LTBP1: variants seen among roughly 807,000 people sequenced by gnomAD.
LTBP1 encodes latent transforming growth factor beta binding protein 1, also known as latent-transforming growth factor beta-binding protein 1.
In LTBP1, 129 loss-of-function variants were observed where a neutral mutation model predicts 207.6. The observed-to-expected ratio is 0.62, with a 90% CI of 0.54 to 0.72. LTBP1 has a LOEUF of 0.72. Ranked by LOEUF, LTBP1 falls within the 30% of genes least tolerant of loss-of-function variation. The pLI is 0.00. For missense variants in LTBP1, 2,281 were observed against 2,217.2 expected (o/e 1.03, Z -0.58); for synonymous variants, 963 against 833.7 (o/e 1.16, Z -2.67).
intron 3 of LTBP1, among the ~76,000 whole-genome samples, chr2:33,098,107 C>T (rs1306411268): frequency 6.6e-6 from 1 of 152,160 alleles, no homozygotes; most frequent in Non-Finnish European, 1.5e-5. Context: ...ATCCCCATGA[C>T]AATAGTTCTT....
chr2:33,052,444 A>C (rs1442052081), intron 3 of LTBP1, among the ~76,000 whole-genome samples: 1 of 152,254 alleles, frequency 6.6e-6, no homozygotes, highest in Non-Finnish European at 1.5e-5. Flanking sequence ...GAACCAGACC[A>C]AACCCCTATT....
chr2:32,989,541 A>G (rs906275501), intron 2 of LTBP1, among the ~76,000 whole-genome samples: 1 of 152,210 alleles, frequency 6.6e-6, no homozygotes, highest in Non-Finnish European at 1.5e-5. Context: ...CCGTGGATCA[A>G]ATTCTACTTG....
intron 19 of LTBP1, among the ~76,000 whole-genome samples, chr2:33,288,841 C>T (rs1230710854): frequency 9.3e-5 from 13 of 139,376 alleles, no homozygotes; most frequent in Non-Finnish European, 1.4e-4. Flanking sequence ...GGTGACAGAG[C>T]GAGACTCTGT....
chr2:33,307,815 A>G (rs1369350755), intron 22 of LTBP1, among the ~76,000 whole-genome samples: 4 of 152,224 alleles, frequency 2.6e-5, no homozygotes, highest in Non-Finnish European at 5.9e-5. Flanking sequence ...AGTCATTATA[A>G]TAACGTGGTT....
chr2:33,376,707 C>T (rs1447359931), intron 31 of LTBP1, among the ~76,000 whole-genome samples: 1 of 152,154 alleles, frequency 6.6e-6, no homozygotes, highest in Non-Finnish European at 1.5e-5. Flanking sequence ...ACATGCCCTC[C>T]CGTAGGAATC....
intron 9 of LTBP1, among the ~76,000 whole-genome samples, chr2:33,240,169 C>G (rs2092256216): frequency 6.6e-6 from 1 of 152,070 alleles, no homozygotes. Flanking sequence ...ATGTTCCATA[C>G]AGTTGTTAAG....
chr2:33,143,974 C>A (rs13382874), intron 5 of LTBP1, among the ~76,000 whole-genome samples: 5 of 152,058 alleles, frequency 3.3e-5, no homozygotes, highest in African/African-American at 9.7e-5. Context: ...GAGGGCTATT[C>A]TGAGGCTCAC....
At position 33,027,383 on chromosome 2, in the gene LTBP1, C is replaced by G. The variant is rs1276111345; in HGVS notation, c.863+6177C>G. Among the ~76,000 whole-genome samples, 3 of 152,180 alleles carry G rather than the reference C, an allele frequency of 2.0e-5. No individual in the cohort carries two copies. In the East Asian group the frequency reaches 5.8e-4, roughly 29 times the overall value. ...GGTGAGAATGTTGAAGGTCTACTCT[C>G]TTAGCAAATTACCAGTATACAGTAT... is the stretch of plus-strand genomic sequence containing the variant. On this transcript the variant is annotated intron_variant, in intron 3 of 33. Coordinates refer to ENST00000404816, the MANE Select transcript of LTBP1 (RefSeq NM_206943.4).
At position 33,378,329 on chromosome 2, in the gene LTBP1, G is replaced by A. The variant is rs556319191; in HGVS notation, c.4712-10855G>A. On this transcript the variant is annotated intron_variant, in intron 31 of 33. Coordinates refer to ENST00000404816, the MANE Select transcript of LTBP1 (RefSeq NM_206943.4). ...AAACTTCTGCCTCCTGGGTTCAAGC[G>A]ATTCACCTGCCACAGCCTCCCGAGT... Among the ~76,000 whole-genome samples the A allele has an allele frequency of 5.9e-5, 9 of 151,882 alleles. No homozygotes were observed. In the South Asian group the frequency reaches 6.3e-4, roughly 11 times the overall value.
At chr2:33,284,574 A>G (rs1195463746) in intron 19 of LTBP1, among the ~76,000 whole-genome samples, 1 of 152,140 alleles carries the variant, frequency 6.6e-6, no homozygotes, top group Admixed American at 6.5e-5. Flanking sequence ...CCAGTTCCAA[A>G]TGGCTATTTC....
At chr2:33,196,024 C>T (rs1299103716) in intron 7 of LTBP1, among the ~76,000 whole-genome samples, 1 of 152,204 alleles carries the variant, frequency 6.6e-6, no homozygotes, top group Non-Finnish European at 1.5e-5. Context: ...AAGGTATGTA[C>T]TTTAAAGCAT....
chr2:33,197,974 G>A (rs1296872467), intron 7 of LTBP1, among the ~76,000 whole-genome samples: 1 of 152,056 alleles, frequency 6.6e-6, no homozygotes, highest in Admixed American at 6.6e-5. Flanking sequence ...TTAAAAAGCA[G>A]GTATTCCAGG....
intron 24 of LTBP1, among the ~76,000 whole-genome samples, chr2:33,318,439 C>T (rs1163487780): frequency 6.6e-6 from 1 of 152,040 alleles, no homozygotes; most frequent in Admixed American, 6.5e-5. Context: ...TCCATGAAGC[C>T]GACATTCCAC....
chr2:33,182,000 A>G (rs1286845508), intron 5 of LTBP1, among the ~76,000 whole-genome samples: 1 of 152,228 alleles, frequency 6.6e-6, no homozygotes, highest in African/African-American at 2.4e-5. Flanking sequence ...AAAGGGTTCA[A>G]TACATACTTA....
intron 3 of LTBP1, among the ~76,000 whole-genome samples, chr2:33,074,306 C>T (rs751115293): frequency 2.0e-5 from 3 of 152,240 alleles, no homozygotes; most frequent in Non-Finnish European, 4.4e-5. Context: ...CCACCATTTT[C>T]TTCTCATCAG....
intron 3 of LTBP1, among the ~76,000 whole-genome samples, chr2:33,025,447 A>C (rs2075370470): frequency 6.6e-6 from 1 of 152,208 alleles, no homozygotes; most frequent in South Asian, 2.1e-4. Context: ...AAAATAGAGA[A>C]AAAAGTAATG....
chr2:33,093,761 T>C (rs1356906872), intron 3 of LTBP1, among the ~76,000 whole-genome samples: 1 of 152,134 alleles, frequency 6.6e-6, no homozygotes, highest in Non-Finnish European at 1.5e-5. Context: ...AGCCAGCTAA[T>C]TGAATTCCAC....
intron 8 of LTBP1, among the ~76,000 whole-genome samples, chr2:33,219,892 C>G (rs1573256299): frequency 6.6e-6 from 1 of 151,812 alleles, no homozygotes; most frequent in Non-Finnish European, 1.5e-5. Context: ...CCACTCTTGA[C>G]CTTTTGTCGT....
intron 12 of LTBP1, among the ~76,000 whole-genome samples, chr2:33,258,643 G>A (rs1383888021): frequency 1.3e-5 from 2 of 152,218 alleles, no homozygotes; most frequent in Non-Finnish European, 2.9e-5. Context: ...TGCACAGGCA[G>A]GAGGAAATGG....
Sources: allele counts gnomAD v4.1 joint callset (sites outside exome capture counted in the v4.1 genomes callset), GRCh38; gene constraint gnomAD v4.1.1; transcripts MANE v1.5; gene names NCBI Gene and HGNC (gene_info 2026-07-23, HGNC 2026-07-21).